AKR1D1: variants seen among roughly 807,000 people sequenced by gnomAD.
The protein encoded by AKR1D1 is delta(4)-3-ketosteroid 5-beta-reductase.
A neutral mutation model predicts 42.6 loss-of-function variants in AKR1D1; 32 were observed. The observed-to-expected ratio is 0.75, with a 90% CI of 0.57 to 1.01. AKR1D1 has a LOEUF of 1.01. Ranked by LOEUF, AKR1D1 falls within the 50% of genes least tolerant of loss-of-function variation. The probability of loss-of-function intolerance (pLI) is 0.00; values close to 1 mark genes in which losing one functional copy is unlikely to be tolerated. For missense variants in AKR1D1, 364 were observed against 402.2 expected (o/e 0.91, Z 0.81); for synonymous variants, 123 against 135.5 (o/e 0.91, Z 0.64).
intron 1 of AKR1D1, among the ~76,000 whole-genome samples, chr7:138,080,294 T>A (rs905838840): frequency 1.3e-5 from 2 of 152,146 alleles, no homozygotes; most frequent in Admixed American, 1.3e-4. Flanking sequence ...GGTCTGAAAC[T>A]CCTGAACTCA....
At chr7:138,099,863 A>G (rs1218517119) in intron 4 of AKR1D1, among the ~76,000 whole-genome samples, 1 of 79,196 alleles carries the variant, frequency 1.3e-5, no homozygotes, top group East Asian at 3.2e-4. Flanking sequence ...AAAGGGGGGT[A>G]ATAGTTAAAG....
At position 138,103,026 on chromosome 7, in the gene AKR1D1, TA is replaced by T. The variant is rs1794348506; in HGVS notation, c.457-2277del. 2.6e-5 allele frequency among the ~76,000 whole-genome samples: 4 copies of T among 152,324 alleles called. No individual in the cohort carries two copies. In the South Asian group the frequency reaches 8.3e-4, roughly 32 times the overall value. Reference sequence around the variant, plus strand: ...TGATTTTACAGGTGTATGCACACATTAAAATTCCTCAAAATGTACACTTCAA... The same window carrying T: ...TGATTTTACAGGTGTATGCACACATTAAATTCCTCAAAATGTACACTTCAA... On this transcript the variant is annotated intron_variant, in intron 4 of 8. Coordinates refer to ENST00000242375, the MANE Select transcript of AKR1D1 (RefSeq NM_005989.4).
chr7:138,107,754 T>C (rs978334500), intron 7 of AKR1D1, among the ~76,000 whole-genome samples, 174 bp downstream of exon 7: 5 of 152,212 alleles, frequency 3.3e-5, no homozygotes, highest in South Asian at 2.1e-4. Context: ...TTTGAGACAA[T>C]TGCTAGTACT....
At chr7:138,078,102 C>A (rs1374377315) in intron 1 of AKR1D1, among the ~76,000 whole-genome samples, 3 of 152,170 alleles carry the variant, frequency 2.0e-5, no homozygotes, top group Non-Finnish European at 4.4e-5. Context: ...GCTGGGACCA[C>A]AGGCAGGTGC....
chr7:138,089,217 A>T (rs2117429097), intron 2 of AKR1D1, among the ~76,000 whole-genome samples: 1 of 152,052 alleles, frequency 6.6e-6, no homozygotes, highest in South Asian at 2.1e-4. Context: ...CAGGCATGGT[A>T]ACTTGCACCT....
intron 4 of AKR1D1, among the ~76,000 whole-genome samples, chr7:138,101,170 TC>T (rs1794303542): frequency 3.4e-5 from 1 of 29,140 alleles, no homozygotes. Flanking sequence ...CCTCCCTCCC[TC>T]CCTCCCTCCC....
At chr7:138,104,961 G>C (rs960734508) in intron 4 of AKR1D1, among the ~76,000 whole-genome samples, 2 of 152,150 alleles carry the variant, frequency 1.3e-5, no homozygotes, top group South Asian at 4.1e-4. Context: ...GTCTCACTCT[G>C]TTGCCCAGGC....
intron 4 of AKR1D1, among the ~76,000 whole-genome samples, chr7:138,102,440 T>C (rs146864147): frequency 6.6e-6 from 1 of 152,142 alleles, no homozygotes; most frequent in Non-Finnish European, 1.5e-5. Flanking sequence ...GGGAGTTGCA[T>C]GTGCCTGTGG....
intron 6 of AKR1D1, 98 bp downstream of exon 6, chr7:138,106,815 A>G (rs1474886674): frequency 1.1e-6 from 1 of 892,226 alleles, no homozygotes; most frequent in South Asian, 1.4e-5. Context: ...TGCCTGTGCA[A>G]CCTCTTCAAG....
At chr7:138,081,513 T>C (rs1235205544) in intron 1 of AKR1D1, among the ~76,000 whole-genome samples, 5 of 79,720 alleles carry the variant, frequency 6.3e-5, no homozygotes, top group South Asian at 5.4e-4. Context: ...TACCTTTTTT[T>C]TTTTTTTTTT....
intron 1 of AKR1D1, among the ~76,000 whole-genome samples, chr7:138,078,663 C>T (rs1219282614): frequency 6.6e-6 from 1 of 152,210 alleles, no homozygotes; most frequent in Non-Finnish European, 1.5e-5. Context: ...ATGTAAGTCC[C>T]TTACAGGAGA....
chr7:138,117,532 A>AT lies in AKR1D1; in HGVS notation c.*871dup, dbSNP rs1794657926. 1 of 152,226 alleles carries AT rather than the reference A, an allele frequency of 6.6e-6. No homozygotes were observed. The highest frequency in any genetic ancestry group is 1.5e-5 in the Non-Finnish European group (1 of 68,030). The allele number at this position is 152,226 out of a possible 1,614,324, so 9.4% of individuals were successfully genotyped here. ...GAGATATATTGAAACAAGGTGCTTT[A>AT]TAAGATTATTGTACTTAAGACTTTA... On this transcript the variant is annotated 3_prime_UTR_variant, in exon 9 of 9. Transcript: ENST00000242375.
rs1229895812 is a variant in AKR1D1, at chr7:138,106,614, TG to T, written c.587del (p.Cys196SerfsTer11). 8 of 1,613,986 alleles carry T rather than the reference TG, an allele frequency of 5.0e-6. No homozygotes were observed. In the South Asian group the frequency reaches 8.8e-5, roughly 18 times the overall value. ...KHKPVSNQVE[C>X]HPYFTQPKLL... ...CTCCAATGCAACCACATAGGTTGAG[TG>T]CCATCCGTATTTCACCCAGCCAAAA... is the stretch of plus-strand genomic sequence containing the variant. On this transcript the variant is annotated frameshift_variant, in exon 6 of 9. Coordinates refer to ENST00000242375, the MANE Select transcript of AKR1D1 (RefSeq NM_005989.4). LOFTEE classifies it high-confidence loss of function.
intron 3 of AKR1D1, among the ~76,000 whole-genome samples, chr7:138,096,269 GA>G (rs374152034): frequency 1.1e-4 from 16 of 146,506 alleles, no homozygotes; most frequent in African/African-American, 2.2e-4. Context: ...TCCTTTAAAA[GA>G]AAAAAAAAAG....
chr7:138,080,437 C>A (rs768404008), intron 1 of AKR1D1, among the ~76,000 whole-genome samples: 1 of 152,162 alleles, frequency 6.6e-6, no homozygotes, highest in African/African-American at 2.4e-5. Flanking sequence ...GCCTATGTAA[C>A]TTGCCTTTAG....
chr7:138,086,949 A>C (rs1803194473), intron 1 of AKR1D1, among the ~76,000 whole-genome samples: 1 of 152,234 alleles, frequency 6.6e-6, no homozygotes, highest in South Asian at 2.1e-4. Context: ...GAAAAAATGT[A>C]ACTAAAAGAA....
intron 7 of AKR1D1, among the ~76,000 whole-genome samples, chr7:138,110,952 CT>C (rs1794524899): frequency 6.6e-6 from 1 of 152,130 alleles, no homozygotes; most frequent in African/African-American, 2.4e-5. Context: ...CTCACTTTCA[CT>C]TTCTCCAACA....
chr7:138,095,766 TCGGCCCA>T (rs1358571060), intron 3 of AKR1D1, among the ~76,000 whole-genome samples: 1 of 149,746 alleles, frequency 6.7e-6, no homozygotes, highest in African/African-American at 2.5e-5. Flanking sequence ...CCTCAGCTGA[TCGGCCCA>T]CCTTGGCCTC....
chr7:138,090,550 T>C (rs1794046455), intron 2 of AKR1D1, among the ~76,000 whole-genome samples: 1 of 149,616 alleles, frequency 6.7e-6, no homozygotes, highest in African/African-American at 2.5e-5. Context: ...GGCAGCAGAA[T>C]CGCTTGAACC....
Sources: gnomAD v4.1 joint callset for allele counts (sites outside exome capture counted in the v4.1 genomes callset) on GRCh38, gnomAD v4.1.1 for gene constraint, MANE v1.5 for transcripts, NCBI Gene and HGNC (gene_info 2026-07-23, HGNC 2026-07-21) for gene names.